CTNNA3: variants seen among roughly 807,000 people sequenced by gnomAD.
CTNNA3 encodes the protein catenin alpha 3.
CTNNA3 carries 76 observed loss-of-function variants against 95.7 expected under a neutral mutation model. The observed-to-expected ratio is 0.79, with a 90% CI of 0.66 to 0.96. The LOEUF (loss-of-function observed/expected upper bound fraction) is 0.96, where lower values mean the gene tolerates loss of function less well. Ranked by LOEUF, CTNNA3 falls within the 40% of genes least tolerant of loss-of-function variation. The pLI is 0.00. For synonymous variants in CTNNA3, 431 were observed against 374.4 expected (o/e 1.15, Z -1.74); for missense variants, 1,191 against 1,089.8 (o/e 1.09, Z -1.31).
intron 5 of CTNNA3, among the ~76,000 whole-genome samples, chr10:67,331,041 T>G (rs1286775133): frequency 6.6e-6 from 1 of 152,122 alleles, no homozygotes; most frequent in Non-Finnish European, 1.5e-5. Flanking sequence ...AGGGGGAAAT[T>G]TTCTGGGTAT....
chr10:66,816,913 C>T (rs771889993), intron 7 of CTNNA3, among the ~76,000 whole-genome samples: 9 of 151,970 alleles, frequency 5.9e-5, no homozygotes, highest in Non-Finnish European at 1.2e-4. Flanking sequence ...TTAAAACAAT[C>T]GTAAATTGCC....
chr10:66,830,967 A>G (rs1379924832), intron 7 of CTNNA3, among the ~76,000 whole-genome samples: 2 of 152,100 alleles, frequency 1.3e-5, no homozygotes, highest in Non-Finnish European at 2.9e-5. Flanking sequence ...AAAGGGAAAA[A>G]AAAGAATTTT....
At chr10:66,844,636 G>C (rs553808303) in intron 7 of CTNNA3, among the ~76,000 whole-genome samples, 1 of 152,284 alleles carries the variant, frequency 6.6e-6, no homozygotes, top group Non-Finnish European at 1.5e-5. Flanking sequence ...GAGTCAGTCA[G>C]TAATCTAAGA....
rs1839537838 is a variant in CTNNA3 at position 67,641,685 on chromosome 10, T to G, written c.99+5730A>C. Among the ~76,000 whole-genome samples, 4 of 152,186 alleles carry G rather than the reference T, an allele frequency of 2.6e-5. No individual in the cohort carries two copies. The South Asian group carries it at 8.3e-4, about 32-fold the overall frequency. On this transcript the variant is annotated intron_variant, in intron 2 of 17. Coordinates refer to ENST00000433211, the MANE Select transcript of CTNNA3 (RefSeq NM_013266.4). ...TGGAATAGTATGCAGCCATAAAAAA[T>G]GATGAGTTCATGTCCTTTGTAGGGA...
At chr10:67,733,515 T>G (rs1306163934) in intron 1 of CTNNA3, among the ~76,000 whole-genome samples, 3 of 152,206 alleles carry the variant, frequency 2.0e-5, no homozygotes, top group African/African-American at 4.8e-5. Flanking sequence ...CAAAAAGGAC[T>G]GCTGGTGGTA....
chr10:66,602,677 A>G (rs1007705236), intron 10 of CTNNA3, among the ~76,000 whole-genome samples: 9 of 152,060 alleles, frequency 5.9e-5, no homozygotes, highest in African/African-American at 2.2e-4. Context: ...TCTGACACAC[A>G]TAGATGCAAA....
chr10:66,694,288 C>T (rs1400480102), intron 9 of CTNNA3, among the ~76,000 whole-genome samples: 2 of 151,830 alleles, frequency 1.3e-5, no homozygotes, highest in African/African-American at 4.8e-5. Flanking sequence ...ATATCACCAC[C>T]AATCCCACAG....
intron 13 of CTNNA3, among the ~76,000 whole-genome samples, chr10:66,254,135 T>G: frequency 6.6e-6 from 1 of 152,096 alleles, no homozygotes; most frequent in Non-Finnish European, 1.5e-5. Flanking sequence ...CAGACAACAC[T>G]ACTAAATACA....
intron 13 of CTNNA3, among the ~76,000 whole-genome samples, chr10:66,203,558 A>G (rs187019711): frequency 6.6e-6 from 1 of 152,204 alleles, no homozygotes; most frequent in Non-Finnish European, 1.5e-5. Context: ...AAGGGCCATA[A>G]TTATAACATA....
intron 5 of CTNNA3, among the ~76,000 whole-genome samples, chr10:67,450,196 T>C (rs566749809): frequency 1.0e-3 from 157 of 152,290 alleles, no homozygotes; most frequent in African/African-American, 3.5e-3. Flanking sequence ...ATATTGTTGA[T>C]GGGAGTGTAA....
chr10:66,466,036 T>C (rs539647272), intron 11 of CTNNA3, among the ~76,000 whole-genome samples: 44 of 152,130 alleles, frequency 2.9e-4, no homozygotes, highest in Non-Finnish European at 5.7e-4. Flanking sequence ...TAAATTGAGG[T>C]TAGTTTTTAA....
intron 10 of CTNNA3, among the ~76,000 whole-genome samples, chr10:66,607,493 A>AG (rs1844170082): frequency 6.6e-6 from 1 of 150,552 alleles, no homozygotes; most frequent in African/African-American, 2.4e-5. Context: ...AAAAAAAAAA[A>AG]AAAGCAAGAA....
At chr10:66,712,360 G>C (rs193236053) in intron 9 of CTNNA3, among the ~76,000 whole-genome samples, 1 of 152,194 alleles carries the variant, frequency 6.6e-6, no homozygotes, top group Non-Finnish European at 1.5e-5. Context: ...TTAAATGATA[G>C]GCAAACATGT....
chr10:67,567,935 G>C (rs1589436391), intron 3 of CTNNA3, among the ~76,000 whole-genome samples: 1 of 152,046 alleles, frequency 6.6e-6, no homozygotes, highest in Non-Finnish European at 1.5e-5. Context: ...AAATGCTATG[G>C]TATTTAGTAT....
At chr10:67,710,463 A>G (rs1017369809) in intron 1 of CTNNA3, among the ~76,000 whole-genome samples, 2 of 152,082 alleles carry the variant, frequency 1.3e-5, no homozygotes, top group Non-Finnish European at 2.9e-5. Context: ...TGAGCTAGAA[A>G]CCCAGGATTT....
At chr10:66,646,889 A>T (rs1435772825) in intron 9 of CTNNA3, among the ~76,000 whole-genome samples, 1 of 152,180 alleles carries the variant, frequency 6.6e-6, no homozygotes, top group African/African-American at 2.4e-5. Context: ...ATAGTAGCCC[A>T]GATATGTGGC....
chr10:67,189,807 G>C (rs941706026), intron 6 of CTNNA3, among the ~76,000 whole-genome samples: 4 of 152,090 alleles, frequency 2.6e-5, no homozygotes, highest in Non-Finnish European at 5.9e-5. Flanking sequence ...GTAGGGAAGG[G>C]ATCTGTGAAA....
At chr10:67,489,473 A>C (rs574867879) in intron 5 of CTNNA3, among the ~76,000 whole-genome samples, 1 of 152,324 alleles carries the variant, frequency 6.6e-6, no homozygotes, top group African/African-American at 2.4e-5. Context: ...CACTAGAAGC[A>C]GGTGCTCTTT....
At chr10:66,650,909 T>C (rs1031599510) in intron 9 of CTNNA3, among the ~76,000 whole-genome samples, 3 of 152,174 alleles carry the variant, frequency 2.0e-5, no homozygotes, top group African/African-American at 7.2e-5. Context: ...TTCCACAGCC[T>C]GGAAGGAAAC....
Sources: allele counts gnomAD v4.1 joint callset (sites outside exome capture counted in the v4.1 genomes callset), GRCh38; gene constraint gnomAD v4.1.1; transcripts MANE v1.5; gene names NCBI Gene and HGNC (gene_info 2026-07-23, HGNC 2026-07-21).